Variants in NDE1 observed in about 807,000 individuals in gnomAD.
NDE1 encodes the protein nudE neurodevelopment protein 1, also known as nuclear distribution protein nudE homolog 1.
Under a neutral mutation model 43.4 loss-of-function variants are expected in NDE1, and 28 were observed. The ratio of observed to expected loss-of-function variants is 0.65; its 90% CI spans 0.48 to 0.89. The LOEUF (loss-of-function observed/expected upper bound fraction) is 0.89, where lower values mean the gene tolerates loss of function less well. Among genes scored for constraint, NDE1 ranks in the 40% least tolerant of loss-of-function variants. NDE1 has a pLI of 0.00. For missense variants in NDE1, 441 were observed against 434.1 expected (o/e 1.02, Z -0.14); for synonymous variants, 184 against 172.0 (o/e 1.07, Z -0.55).
intron 8 of NDE1, among the ~76,000 whole-genome samples, chr16:15,698,825 A>C (rs60319464): frequency 2.0e-5 from 3 of 152,132 alleles, no homozygotes; most frequent in African/African-American, 7.2e-5. Context: ...TGCACCACTG[A>C]ACTCCACTCT....
chr16:15,661,592 C>G (rs552966510), intron 1 of NDE1, among the ~76,000 whole-genome samples: 1 of 152,064 alleles, frequency 6.6e-6, no homozygotes, highest in Admixed American at 6.6e-5. Context: ...ACTACAGACA[C>G]ACCACCATGA....
At chr16:15,702,455 A>G (rs1405838000) in intron 8 of NDE1, among the ~76,000 whole-genome samples, 4 of 152,030 alleles carry the variant, frequency 2.6e-5, no homozygotes, top group Non-Finnish European at 4.4e-5. Flanking sequence ...CAGTGGCGTG[A>G]TCATAGCTCA....
At chr16:15,719,239 C>T in intron 8 of NDE1, 1 of 1,613,738 alleles carries the variant, frequency 6.2e-7, no homozygotes, top group Non-Finnish European at 8.5e-7. Context: ...AGGCTACTGG[C>T]CAGCTCCTCT....
intron 8 of NDE1, 130 bp from the exon 9 acceptor site, chr16:15,724,061 G>A: frequency 3.2e-6 from 5 of 1,584,524 alleles, no homozygotes; most frequent in Non-Finnish European, 4.3e-6. Flanking sequence ...GAGTGGAGAG[G>A]GGATGCAGGC....
intron 3 of NDE1, among the ~76,000 whole-genome samples, chr16:15,673,271 A>G (rs1036490040): frequency 9.9e-5 from 15 of 151,924 alleles, no homozygotes; most frequent in African/African-American, 1.5e-4. Flanking sequence ...GTGCAGGGGC[A>G]CAATCTTGGC....
chr16:15,724,101 A>C, intron 8 of NDE1, 90 bp from the exon 9 acceptor site: 1 of 1,608,516 alleles, frequency 6.2e-7, no homozygotes, highest in Admixed American at 1.7e-5. Flanking sequence ...CATACTCTGC[A>C]GAGCTGATTC....
chr16:15,649,777 G>A (rs79255148), upstream of NDE1, among the ~76,000 whole-genome samples: 1 of 152,338 alleles, frequency 6.6e-6, no homozygotes, highest in East Asian at 1.9e-4. Flanking sequence ...AGAAGATAAT[G>A]ATGCTGAAGA....
intron 8 of NDE1, among the ~76,000 whole-genome samples, chr16:15,706,779 C>CT (rs1178442579): frequency 6.6e-6 from 1 of 152,118 alleles, no homozygotes; most frequent in Non-Finnish European, 1.5e-5. Context: ...TAGGCACTCT[C>CT]TTTTTGGCTC....
intron 4 of NDE1, among the ~76,000 whole-genome samples, chr16:15,681,410 AT>A (rs2038176605): frequency 6.6e-6 from 1 of 151,056 alleles, no homozygotes; most frequent in Admixed American, 6.6e-5. Context: ...GACTATAGGC[AT>A]GTGCCACTAT....
At chr16:15,721,296 C>A (rs1596720427) in intron 8 of NDE1, 1 of 1,191,926 alleles carries the variant, frequency 8.4e-7, no homozygotes, top group South Asian at 1.3e-5. Flanking sequence ...GTCCAAAAAC[C>A]TCCTTCCATT....
exon 1 of NDE1, chr16:15,643,645 C>G (rs1257849229): frequency 2.6e-5 from 7 of 273,942 alleles, no homozygotes; most frequent in Non-Finnish European, 4.9e-5. Flanking sequence ...GGCGCATATT[C>G]CCCAGCATCC....
intron 1 of NDE1, among the ~76,000 whole-genome samples, chr16:15,664,380 A>G (rs544180022): frequency 1.3e-5 from 2 of 152,200 alleles, no homozygotes; most frequent in South Asian, 4.1e-4. Flanking sequence ...ATTTTGACAC[A>G]GAGTCTCGGT....
At chr16:15,715,527 G>A (rs778017548) in intron 8 of NDE1, among the ~76,000 whole-genome samples, 5 of 152,204 alleles carry the variant, frequency 3.3e-5, no homozygotes, top group Non-Finnish European at 5.9e-5. Flanking sequence ...GTGTGATTCC[G>A]TTGATATCAA....
At chr16:15,721,090 A>G (rs748533016) in intron 8 of NDE1, 8 of 1,605,110 alleles carry the variant, frequency 5.0e-6, no homozygotes, top group African/African-American at 1.3e-5. Context: ...ATGAGGCTCA[A>G]CTTCATGAAG....
intron 8 of NDE1, chr16:15,704,187 A>T: frequency 6.3e-7 from 1 of 1,598,258 alleles, no homozygotes; most frequent in Non-Finnish European, 8.5e-7. Context: ...TAGATTTTTT[A>T]TAAATCTATT....
Position 15,670,141 on chromosome 16 carries a change from C to T in NDE1, c.237+2702C>T, listed in dbSNP as rs2037517391. Among the ~76,000 whole-genome samples, 4 of 152,182 alleles carry T rather than the reference C, an allele frequency of 2.6e-5. 1 individual carries two copies. The South Asian group carries it at 8.3e-4, about 31-fold the overall frequency. On this transcript the variant is annotated intron_variant, in intron 3 of 8. Transcript: ENST00000396354. ...ATTTCTCAGTAAGTCTGGGTGGGGC[C>T]CTGGCATGTCTGTGTGGTTTTCTTT...
chr16:15,690,347 T>TTTTTTA (rs2038679450), intron 5 of NDE1, among the ~76,000 whole-genome samples: 1 of 109,242 alleles, frequency 9.2e-6, no homozygotes, highest in African/African-American at 4.8e-5. Flanking sequence ...CTTTTTTTTT[T>TTTTTTA]TTTTTCTTTT....
chr16:15,644,881 A>G (rs1166835358), intron 1 of NDE1, among the ~76,000 whole-genome samples: 1 of 151,860 alleles, frequency 6.6e-6, no homozygotes, highest in Non-Finnish European at 1.5e-5. Flanking sequence ...GTTTTTAGCC[A>G]GAAAACATCA....
chr16:15,691,245 A>T lies in NDE1; in HGVS notation c.625A>T (p.Thr209Ser), dbSNP rs775125589. ...AERTDTAVQA[T>S]GSVPSTPIAH... is the part of the protein sequence containing the mutation. Reference sequence around the variant, plus strand: ...GAGGACAGACACAGCTGTGCAGGCCACGGGCTCCGTGCCGTCCACGCCCAT... The same window carrying T: ...GAGGACAGACACAGCTGTGCAGGCCTCGGGCTCCGTGCCGTCCACGCCCAT... Residue 209 changes from threonine (T) to serine (S), a missense_variant, in exon 6 of 9, where the codon ACG (threonine) becomes TCG (serine). Physicochemically the swap from Thr to Ser is moderately conservative, Grantham distance 58 (BLOSUM62 1). Coordinates refer to ENST00000396354, the MANE Select transcript of NDE1 (RefSeq NM_017668.3). The T allele has an allele frequency of 1.2e-5, 19 of 1,614,064 alleles. No individual in the cohort carries two copies. The highest frequency in any genetic ancestry group is 1.2e-5 in the Non-Finnish European group (14 of 1,180,030).
Sources: allele counts gnomAD v4.1 joint callset (sites outside exome capture counted in the v4.1 genomes callset), GRCh38; gene constraint gnomAD v4.1.1; transcripts MANE v1.5; gene names NCBI Gene and HGNC (gene_info 2026-07-23, HGNC 2026-07-21).